Variants in RAPGEF4 observed in about 807,000 individuals in gnomAD.
RAPGEF4 encodes the protein RAP guanine-nucleotide-exchange factor (GEF) 4.
A neutral mutation model predicts 147.9 loss-of-function variants in RAPGEF4; 66 were observed. The observed-to-expected ratio is 0.45, with a 90% CI of 0.37 to 0.55. The LOEUF (loss-of-function observed/expected upper bound fraction) is 0.55, where lower values mean the gene tolerates loss of function less well. Ranked by LOEUF, RAPGEF4 falls within the 20% of genes least tolerant of loss-of-function variation. RAPGEF4 has a pLI of 0.00. For synonymous variants in RAPGEF4, 419 were observed against 442.7 expected, an observed-to-expected ratio of 0.95 and a Z score of 0.67; for missense variants, 1,071 against 1,257.3, an observed-to-expected ratio of 0.85 and a Z score of 2.24.
chr2:172,908,571 T>C (rs999191990), intron 4 of RAPGEF4, among the ~76,000 whole-genome samples: 2 of 152,372 alleles, frequency 1.3e-5, no homozygotes, highest in Admixed American at 1.3e-4. Context: ...CATGTAGATC[T>C]TTGAGTGACA....
intron 1 of RAPGEF4, among the ~76,000 whole-genome samples, chr2:172,741,764 T>C (rs1211638835): frequency 6.6e-6 from 1 of 152,220 alleles, no homozygotes; most frequent in Non-Finnish European, 1.5e-5. Context: ...CTTGACCTCC[T>C]GGGTTCAAAC....
intron 4 of RAPGEF4, among the ~76,000 whole-genome samples, chr2:172,883,512 C>G (rs1696847489): frequency 6.6e-6 from 1 of 152,134 alleles, no homozygotes; most frequent in African/African-American, 2.4e-5. Flanking sequence ...TAGCATACTT[C>G]TGACAAGTGG....
chr2:173,022,165 ACT>A (rs1212446493), intron 23 of RAPGEF4, among the ~76,000 whole-genome samples: 2 of 152,118 alleles, frequency 1.3e-5, no homozygotes, highest in Non-Finnish European at 1.5e-5. Context: ...GGTGCTGGGG[ACT>A]CTCTTGCCAG....
At chr2:173,047,207 A>G (rs901620596) in intron 29 of RAPGEF4, among the ~76,000 whole-genome samples, 2 of 152,224 alleles carry the variant, frequency 1.3e-5, no homozygotes, top group Non-Finnish European at 2.9e-5. Flanking sequence ...ATTCTGGCTA[A>G]GAAATGGAGC....
In RAPGEF4 at chr2:172,814,445, T is replaced by G. The variant is rs757815387; in HGVS notation, c.444+20T>G. ...TGGGAGGTGAGCCCTAAGGCTTCTTTGTCAATTAATGCAGTTTCAGAAAAG... is the reference window on the plus strand; with the variant it reads ...TGGGAGGTGAGCCCTAAGGCTTCTTGGTCAATTAATGCAGTTTCAGAAAAG... On this transcript the variant is annotated intron_variant, in intron 4 of 30. Transcript: ENST00000397081. The G allele has an allele frequency of 2.5e-6, 4 of 1,613,538 alleles. No homozygotes were observed. In the East Asian group the frequency reaches 6.7e-5, roughly 27 times the overall value.
intron 6 of RAPGEF4, among the ~76,000 whole-genome samples, chr2:172,952,272 A>G (rs1688282181): frequency 6.6e-6 from 1 of 152,194 alleles, no homozygotes; most frequent in Non-Finnish European, 1.5e-5. Context: ...GAATTGAACC[A>G]TGTCTTCAAA....
intron 1 of RAPGEF4, among the ~76,000 whole-genome samples, chr2:172,791,008 G>C (rs943149848): frequency 1.3e-5 from 2 of 152,316 alleles, no homozygotes; most frequent in East Asian, 1.9e-4. Context: ...GAGTCTTCTT[G>C]TTGTGTCCTC....
chr2:172,864,688 G>C (rs1694431132), intron 4 of RAPGEF4, among the ~76,000 whole-genome samples: 1 of 152,226 alleles, frequency 6.6e-6, no homozygotes, highest in African/African-American at 2.4e-5. Flanking sequence ...TGGATCACTT[G>C]AGGCTAGGAG....
intron 1 of RAPGEF4, among the ~76,000 whole-genome samples, chr2:172,764,547 C>A (rs1296632455): frequency 6.6e-6 from 1 of 152,086 alleles, no homozygotes; most frequent in African/African-American, 2.4e-5. Context: ...AAGATGTGAT[C>A]TCACTTGTCC....
chr2:172,845,939 A>G (rs1692132503), intron 4 of RAPGEF4, among the ~76,000 whole-genome samples: 1 of 152,134 alleles, frequency 6.6e-6, no homozygotes, highest in Non-Finnish European at 1.5e-5. Context: ...AATGGAAGAC[A>G]CTGGGGTTGG....
At chr2:172,782,448 G>A (rs1684773356) in intron 1 of RAPGEF4, among the ~76,000 whole-genome samples, 1 of 152,194 alleles carries the variant, frequency 6.6e-6, no homozygotes, top group Non-Finnish European at 1.5e-5. Flanking sequence ...AATAGAGAGA[G>A]CTAAGAGAAG....
chr2:172,821,564 T>C (rs1295603088), intron 4 of RAPGEF4: 1 of 987,658 alleles, frequency 1.0e-6, no homozygotes, highest in Non-Finnish European at 1.2e-6. Context: ...GGTTCTCTTG[T>C]CTCTCTCCTC....
chr2:172,800,839 A>G (rs968726935), intron 3 of RAPGEF4, among the ~76,000 whole-genome samples: 1 of 152,176 alleles, frequency 6.6e-6, no homozygotes, highest in Non-Finnish European at 1.5e-5. Context: ...TTACAGCAAC[A>G]TCTAGATTAG....
At chr2:172,937,801 A>AT (rs1022866220) in intron 6 of RAPGEF4, among the ~76,000 whole-genome samples, 2 of 9,182 alleles carry the variant, frequency 2.2e-4, no homozygotes, top group African/African-American at 2.5e-4. Context: ...TTATTCTGTC[A>AT]TTTTTTTTAT....
chr2:172,891,429 A>C (rs1402741969), intron 4 of RAPGEF4, among the ~76,000 whole-genome samples: 4 of 152,238 alleles, frequency 2.6e-5, no homozygotes, highest in Non-Finnish European at 5.9e-5. Flanking sequence ...CCTTTTAAAA[A>C]GACATTTTCT....
rs1487352414 is a variant in RAPGEF4, at chr2:173,014,553, A to G, written c.1748A>G (p.Gln583Arg). Reference protein sequence around the residue: ...NKRRVIRLVLQWAAMYGDLLQ... With the variant: ...NKRRVIRLVLRWAAMYGDLLQ... ...AGGCGAGTCATCCGCCTGGTTCTACAGTGGGCTGCCATGTATGGAGACCTC... is the reference window on the plus strand; with the variant it reads ...AGGCGAGTCATCCGCCTGGTTCTACGGTGGGCTGCCATGTATGGAGACCTC... The change falls in exon 18 of 31, where the codon CAG (glutamine) becomes CGG (arginine). Residue 583 changes from glutamine to arginine, a missense_variant. Coordinates refer to ENST00000397081, the MANE Select transcript of RAPGEF4 (RefSeq NM_007023.4). 2 of 1,614,102 alleles carry G rather than the reference A, an allele frequency of 1.2e-6. No individual in the cohort carries two copies. Among genetic ancestry groups the G allele is most frequent in the South Asian group, 1.1e-5 (1 of 91,082 alleles).
intron 17 of RAPGEF4, among the ~76,000 whole-genome samples, chr2:173,013,961 C>T (rs1695268112): frequency 6.6e-6 from 1 of 152,126 alleles, no homozygotes; most frequent in South Asian, 2.1e-4. Flanking sequence ...TCTTGCCCAC[C>T]CATGCACTCT....
intron 10 of RAPGEF4, among the ~76,000 whole-genome samples, chr2:172,968,187 C>T (rs996505200): frequency 1.3e-5 from 2 of 152,172 alleles, no homozygotes; most frequent in Non-Finnish European, 2.9e-5. Flanking sequence ...TTTCAGTTAG[C>T]GGTGACTTGG....
chr2:172,862,771 GA>G (rs949228607), intron 4 of RAPGEF4, among the ~76,000 whole-genome samples: 1 of 152,196 alleles, frequency 6.6e-6, no homozygotes, highest in African/African-American at 2.4e-5. Context: ...AATCTCTTGG[GA>G]GAGGAAGTTT....
Sources: allele counts gnomAD v4.1 joint callset (sites outside exome capture counted in the v4.1 genomes callset), GRCh38; gene constraint gnomAD v4.1.1; transcripts MANE v1.5; gene names NCBI Gene and HGNC (gene_info 2026-07-23, HGNC 2026-07-21).